The following ROBO2 variants were observed in gnomAD, a reference collection of about 807,000 sequenced individuals.
ROBO2 encodes roundabout guidance receptor 2.
A neutral mutation model predicts 160.8 loss-of-function variants in ROBO2; 53 were observed. That is an observed-to-expected ratio of 0.33 (90% CI 0.26 to 0.41). The LOEUF (loss-of-function observed/expected upper bound fraction) is 0.41, where lower values mean the gene tolerates loss of function less well. Among genes scored for constraint, ROBO2 ranks in the 10% least tolerant of loss-of-function variants. The pLI, the probability that ROBO2 is intolerant of heterozygous loss-of-function variation, is 1.00. For synonymous variants in ROBO2, 664 were observed against 611.7 expected (o/e 1.09, Z -1.26); for missense variants, 1,577 against 1,722.4 (o/e 0.92, Z 1.49).
chr3:77,144,296 C>T (rs1474478121), intron 2 of ROBO2, among the ~76,000 whole-genome samples: 1 of 152,182 alleles, frequency 6.6e-6, no homozygotes, highest in Non-Finnish European at 1.5e-5. Flanking sequence ...CCTTTACCTA[C>T]CTTGCAATCC....
chr3:76,272,951 A>ATT lies in ROBO2; in HGVS notation c.109+335350_109+335351insTT, dbSNP rs1274200516. ...ATTTATATATAAATATATAAAATAT[A>ATT]TAATATATATTTATATATAAAATAT... On this transcript the variant is annotated intron_variant, in intron 2 of 26. Coordinates refer to the ROBO2 transcript ENST00000487694. Among the ~76,000 whole-genome samples, 14 of 25,274 alleles carry ATT rather than the reference A, an allele frequency of 5.5e-4. 1 individual carries two copies. The South Asian group carries it at 0.011, about 20-fold the overall frequency. 16.6% of individuals were successfully genotyped at this position (25,274 alleles called of 152,430 possible). A position where few individuals can be genotyped will look rare whatever the true frequency, so the allele number is the denominator to read the frequency against.
chr3:76,006,373 C>G (rs1487244689), intron 2 of ROBO2, among the ~76,000 whole-genome samples: 2 of 152,044 alleles, frequency 1.3e-5, no homozygotes, highest in African/African-American at 4.8e-5. Flanking sequence ...GGACACATTT[C>G]TTACCATTTT....
chr3:76,266,434 C>A (rs1317856857), intron 2 of ROBO2, among the ~76,000 whole-genome samples: 2 of 152,114 alleles, frequency 1.3e-5, no homozygotes, highest in African/African-American at 4.8e-5. Context: ...TCACACAGGG[C>A]ATAGTAAAGT....
intron 2 of ROBO2, among the ~76,000 whole-genome samples, chr3:76,704,280 A>G (rs1374452840): frequency 1.3e-5 from 2 of 152,164 alleles, no homozygotes; most frequent in Non-Finnish European, 2.9e-5. Flanking sequence ...GAACATTCAC[A>G]CAGCAATTGC....
intron 2 of ROBO2, among the ~76,000 whole-genome samples, chr3:76,249,487 T>C (rs1347243976): frequency 6.6e-6 from 1 of 152,154 alleles, no homozygotes; most frequent in African/African-American, 2.4e-5. Context: ...TAAATGGATC[T>C]GCAGGAACTG....
At chr3:76,118,444 G>A (rs188706633) in intron 2 of ROBO2, among the ~76,000 whole-genome samples, 55 of 152,244 alleles carry the variant, frequency 3.6e-4, no homozygotes, top group African/African-American at 1.3e-3. Flanking sequence ...GTATGGAAAA[G>A]TCATAAGGTC....
chr3:76,467,099 A>G (rs2078404366), intron 2 of ROBO2, among the ~76,000 whole-genome samples: 1 of 152,124 alleles, frequency 6.6e-6, no homozygotes, highest in East Asian at 1.9e-4. Context: ...TTATATGTTC[A>G]TGTTTAGTGA....
intron 2 of ROBO2, among the ~76,000 whole-genome samples, chr3:76,582,994 T>C (rs1486328506): frequency 6.6e-6 from 1 of 151,064 alleles, no homozygotes; most frequent in African/African-American, 2.4e-5. Flanking sequence ...ATAAAATGTT[T>C]CCTTGGTGTG....
chr3:76,812,357 A>C (rs1233648114), intron 2 of ROBO2, among the ~76,000 whole-genome samples: 4 of 151,370 alleles, frequency 2.6e-5, no homozygotes, highest in Non-Finnish European at 4.4e-5. Context: ...AAAAAAAAAA[A>C]AAAAAACGTG....
chr3:76,500,143 TAATCTC>T (rs1299842511), intron 2 of ROBO2, among the ~76,000 whole-genome samples: 1 of 152,100 alleles, frequency 6.6e-6, no homozygotes, highest in Non-Finnish European at 1.5e-5. Context: ...TTATTAGAGA[TAATCTC>T]AATCTGTCAC....
chr3:77,383,694 C>G (rs2073797556), intron 2 of ROBO2, among the ~76,000 whole-genome samples: 1 of 152,122 alleles, frequency 6.6e-6, no homozygotes, highest in African/African-American at 2.4e-5. Flanking sequence ...GGATTCTACA[C>G]TTTGCCATGG....
At chr3:77,168,902 A>G (rs950227556) in intron 2 of ROBO2, among the ~76,000 whole-genome samples, 2 of 152,078 alleles carry the variant, frequency 1.3e-5, no homozygotes, top group South Asian at 2.1e-4. Context: ...ACCCTCTCTC[A>G]TCTGTGGGAT....
intron 2 of ROBO2, among the ~76,000 whole-genome samples, chr3:76,159,633 G>T (rs1215934416): frequency 6.6e-6 from 1 of 152,042 alleles, no homozygotes. Flanking sequence ...TTTGGTCTAG[G>T]TTTTCTGCTG....
intron 2 of ROBO2, among the ~76,000 whole-genome samples, chr3:76,675,241 T>C (rs538707730): frequency 6.6e-6 from 1 of 152,290 alleles, no homozygotes; most frequent in African/African-American, 2.4e-5. Context: ...GAGGAATTAG[T>C]AAAACCCCTT....
intron 2 of ROBO2, among the ~76,000 whole-genome samples, chr3:76,809,760 T>G (rs984182898): frequency 1.3e-5 from 2 of 152,154 alleles, no homozygotes; most frequent in Admixed American, 1.3e-4. Context: ...GGAGGCATTC[T>G]TTTTAAATTA....
intron 2 of ROBO2, among the ~76,000 whole-genome samples, chr3:76,352,505 A>G (rs2074936773): frequency 1.3e-5 from 2 of 152,062 alleles, no homozygotes; most frequent in Non-Finnish European, 1.5e-5. Flanking sequence ...GGAGCTACTT[A>G]TAAAATACTC....
intron 2 of ROBO2, among the ~76,000 whole-genome samples, chr3:77,004,373 T>A (rs547339020): frequency 4.6e-4 from 70 of 152,316 alleles, no homozygotes; most frequent in African/African-American, 1.7e-3. Flanking sequence ...CCGCTTTTAG[T>A]TCTTTGTTGC....
chr3:76,686,810 A>T (rs891563954), intron 2 of ROBO2, among the ~76,000 whole-genome samples: 3 of 152,144 alleles, frequency 2.0e-5, no homozygotes, highest in Non-Finnish European at 2.9e-5. Context: ...AGAAAAAGAA[A>T]AAAAAGTATT....
At chr3:76,570,121 G>A (rs1169903536) in intron 2 of ROBO2, among the ~76,000 whole-genome samples, 1 of 152,072 alleles carries the variant, frequency 6.6e-6, no homozygotes, top group Non-Finnish European at 1.5e-5. Context: ...GCAACAAAGC[G>A]AGACCCTGCC....
Sources: gnomAD v4.1 joint callset for allele counts (sites outside exome capture counted in the v4.1 genomes callset) on GRCh38, gnomAD v4.1.1 for gene constraint, MANE v1.5 for transcripts, NCBI Gene and HGNC (gene_info 2026-07-23, HGNC 2026-07-21) for gene names.